The following OCA2 variants were observed in gnomAD, a reference collection of about 807,000 sequenced individuals.
OCA2 encodes the protein OCA2 melanosomal transmembrane protein, also known as P protein.
OCA2 carries 77 observed loss-of-function variants against 100.2 expected under a neutral mutation model. The observed-to-expected ratio is 0.77, with a 90% CI of 0.64 to 0.93. The LOEUF (loss-of-function observed/expected upper bound fraction) is 0.93, where lower values mean the gene tolerates loss of function less well. Ranked by LOEUF, OCA2 falls within the 40% of genes least tolerant of loss-of-function variation. The pLI is 0.00. For missense variants in OCA2, 1,062 were observed against 1,089.1 expected, an observed-to-expected ratio of 0.98 and a Z score of 0.35; for synonymous variants, 432 against 439.2, an observed-to-expected ratio of 0.98 and a Z score of 0.21.
intron 2 of OCA2, among the ~76,000 whole-genome samples, chr15:28,065,654 C>T (rs192904243): frequency 2.0e-4 from 31 of 152,218 alleles, no homozygotes; most frequent in Middle Eastern, 3.4e-3. Context: ...TTTGCCATCA[C>T]TATTCCTCTG....
chr15:27,987,225 G>A (rs1041669099), intron 11 of OCA2, among the ~76,000 whole-genome samples: 1 of 152,178 alleles, frequency 6.6e-6, no homozygotes, highest in Non-Finnish European at 1.5e-5. Context: ...TGAGGATGAT[G>A]AGTTAGTGAA....
At position 27,955,565 on chromosome 15, in the gene OCA2, G is replaced by A. The variant is rs905826079; in HGVS notation, c.1785-350C>T. Among the ~76,000 whole-genome samples, 46 of 152,266 alleles carry A rather than the reference G, an allele frequency of 3.0e-4. 1 individual carries two copies. The highest frequency in any genetic ancestry group is 9.4e-4 in the African/African-American group (39 of 41,546). ...TTTTCCTCTTTATGCACACTTCTACGGTCCTGAATCTCTTTGTTTCCAAAA... is the reference window on the plus strand; with the variant it reads ...TTTTCCTCTTTATGCACACTTCTACAGTCCTGAATCTCTTTGTTTCCAAAA... On this transcript the variant is annotated intron_variant, in intron 16 of 23. Coordinates refer to ENST00000354638, the MANE Select transcript of OCA2 (RefSeq NM_000275.3).
At chr15:27,919,022 A>T (rs1332808162) in intron 19 of OCA2, among the ~76,000 whole-genome samples, 3 of 152,230 alleles carry the variant, frequency 2.0e-5, no homozygotes, top group Non-Finnish European at 2.9e-5. Flanking sequence ...TACAGAAAAA[A>T]TTTAAAGAAA....
chr15:27,829,195 G>A (rs569608963), intron 23 of OCA2, among the ~76,000 whole-genome samples: 4 of 152,154 alleles, frequency 2.6e-5, no homozygotes, highest in Non-Finnish European at 5.9e-5. Context: ...CTGATGGATA[G>A]ATGCTAAATG....
At chr15:28,087,166 G>C (rs2044789882) in intron 1 of OCA2, among the ~76,000 whole-genome samples, 1 of 151,802 alleles carries the variant, frequency 6.6e-6, no homozygotes, top group African/African-American at 2.4e-5. Context: ...TAAAAGCAAA[G>C]AAAAAGTCTT....
chr15:28,098,549 T>C (rs879580504), intron 1 of OCA2, among the ~76,000 whole-genome samples: 4 of 152,356 alleles, frequency 2.6e-5, no homozygotes, highest in African/African-American at 9.6e-5. Flanking sequence ...GTCTAAGTAG[T>C]GCTCCTCAAA....
At chr15:28,086,419 T>A (rs922333261) in intron 1 of OCA2, among the ~76,000 whole-genome samples, 10 of 152,216 alleles carry the variant, frequency 6.6e-5, no homozygotes, top group African/African-American at 1.9e-4. Flanking sequence ...CTTCCCCATC[T>A]TGGGGAACCT....
At chr15:27,786,072 C>T (rs2032800457) in intron 23 of OCA2, among the ~76,000 whole-genome samples, 1 of 152,128 alleles carries the variant, frequency 6.6e-6, no homozygotes, top group Non-Finnish European at 1.5e-5. Context: ...CTAACTTTGT[C>T]TTCATGTATG....
chr15:28,079,212 T>G (rs1365305426), intron 2 of OCA2, among the ~76,000 whole-genome samples: 1 of 152,168 alleles, frequency 6.6e-6, no homozygotes. Context: ...TCATTGAGGC[T>G]AAGGGGTTTG....
At chr15:27,834,520 T>C (rs2035076121) in intron 23 of OCA2, among the ~76,000 whole-genome samples, 1 of 152,210 alleles carries the variant, frequency 6.6e-6, no homozygotes, top group Non-Finnish European at 1.5e-5. Flanking sequence ...GAACCCTGAT[T>C]TGTAGCCAAG....
chr15:27,745,251 G>A, the OCA2 span, among the ~76,000 whole-genome samples: 6 of 152,284 alleles, frequency 3.9e-5, no homozygotes, highest in African/African-American at 9.6e-5. Context: ...TACAATGCTC[G>A]TGTGTGTATG....
intron 1 of OCA2, among the ~76,000 whole-genome samples, chr15:28,098,459 C>T (rs1174096307): frequency 6.6e-6 from 1 of 152,242 alleles, no homozygotes; most frequent in Non-Finnish European, 1.5e-5. Flanking sequence ...ACAGCAGCTG[C>T]CCACAACTGC....
At chr15:27,752,927 T>C (rs1168230189), downstream of OCA2, among the ~76,000 whole-genome samples, 2 of 151,586 alleles carry the variant, frequency 1.3e-5, no homozygotes, top group Non-Finnish European at 1.5e-5. Flanking sequence ...GCCAGTTCTC[T>C]GGCTGCTGCG....
chr15:28,037,479 G>C (rs560095401), intron 2 of OCA2, among the ~76,000 whole-genome samples: 1 of 152,252 alleles, frequency 6.6e-6, no homozygotes, highest in Non-Finnish European at 1.5e-5. Flanking sequence ...CAGCAGAAGC[G>C]GGTTTAGGCC....
chr15:27,825,475 G>A (rs1039206506), intron 23 of OCA2, among the ~76,000 whole-genome samples: 4 of 152,290 alleles, frequency 2.6e-5, no homozygotes, highest in Middle Eastern at 6.8e-3. Context: ...GCAGGGAAGC[G>A]GCCCGGCTGG....
chr15:28,042,569 G>A (rs915429823), intron 2 of OCA2, among the ~76,000 whole-genome samples: 1 of 151,954 alleles, frequency 6.6e-6, no homozygotes, highest in Non-Finnish European at 1.5e-5. Context: ...GAACCCAGGA[G>A]GTGGAGATTG....
chr15:27,813,893 T>C (rs2034175281), intron 23 of OCA2, among the ~76,000 whole-genome samples: 1 of 152,232 alleles, frequency 6.6e-6, no homozygotes, highest in African/African-American at 2.4e-5. Flanking sequence ...ACATTTTTTC[T>C]TTTTTAATTA....
intron 2 of OCA2, among the ~76,000 whole-genome samples, chr15:28,057,988 G>A (rs1297160669): frequency 3.3e-5 from 5 of 152,156 alleles, no homozygotes; most frequent in East Asian, 1.9e-4. Context: ...CTGGCACAGC[G>A]GGGAGTGACA....
chr15:28,035,958 A>G (rs2043034875), intron 2 of OCA2, among the ~76,000 whole-genome samples: 1 of 152,216 alleles, frequency 6.6e-6, no homozygotes. Flanking sequence ...CTACATATAA[A>G]TGAATATTTT....
Sources: allele counts gnomAD v4.1 joint callset (sites outside exome capture counted in the v4.1 genomes callset), GRCh38; gene constraint gnomAD v4.1.1; transcripts MANE v1.5; gene names NCBI Gene and HGNC (gene_info 2026-07-23, HGNC 2026-07-21).